The following CNTNAP2 variants were observed in gnomAD, a reference collection of about 807,000 sequenced individuals.
CNTNAP2 encodes contactin-associated protein-like 2.
In CNTNAP2, 98 loss-of-function variants were observed where a neutral mutation model predicts 155.2. The observed-to-expected ratio is 0.63, with a 90% CI of 0.54 to 0.75. The LOEUF (loss-of-function observed/expected upper bound fraction) is 0.75, where lower values mean the gene tolerates loss of function less well. CNTNAP2 is among the 30% of genes least tolerant of loss of function. CNTNAP2 has a pLI of 0.00. For missense variants in CNTNAP2, 1,727 were observed against 1,688.1 expected, an observed-to-expected ratio of 1.02 and a Z score of -0.40; for synonymous variants, 651 against 631.2, an observed-to-expected ratio of 1.03 and a Z score of -0.47.
At chr7:147,800,552 C>A (rs867598295) in intron 13 of CNTNAP2, among the ~76,000 whole-genome samples, 1 of 151,966 alleles carries the variant, frequency 6.6e-6, no homozygotes, top group African/African-American at 2.4e-5. Context: ...GATCTCCCTA[C>A]GTTTGTTGCC....
chr7:147,406,782 G>T (rs1237706097), intron 10 of CNTNAP2, among the ~76,000 whole-genome samples: 1 of 152,190 alleles, frequency 6.6e-6, no homozygotes, highest in East Asian at 1.9e-4. Context: ...TTTGAAAAAT[G>T]AGTCTGTAAT....
chr7:146,586,782 ATC>A (rs1446313216), intron 1 of CNTNAP2, among the ~76,000 whole-genome samples: 2 of 152,156 alleles, frequency 1.3e-5, no homozygotes, highest in Non-Finnish European at 2.9e-5. Flanking sequence ...TCCTCTGACA[ATC>A]AGATGAGCTA....
chr7:146,644,071 T>C (rs1485961661), intron 1 of CNTNAP2, among the ~76,000 whole-genome samples: 1 of 152,174 alleles, frequency 6.6e-6, no homozygotes, highest in Non-Finnish European at 1.5e-5. Flanking sequence ...GCTGAAACAA[T>C]GGGGTTTTCT....
chr7:147,817,542 C>T (rs1056120338), intron 13 of CNTNAP2, among the ~76,000 whole-genome samples: 4 of 152,046 alleles, frequency 2.6e-5, no homozygotes, highest in Non-Finnish European at 5.9e-5. Flanking sequence ...CACAAATCAC[C>T]GCTGAAGAAC....
intron 8 of CNTNAP2, among the ~76,000 whole-genome samples, chr7:147,190,191 T>A (rs576144738): frequency 6.6e-6 from 1 of 152,334 alleles, no homozygotes; most frequent in East Asian, 1.9e-4. Flanking sequence ...ATTCTCTTCA[T>A]GACCATTTCA....
chr7:147,860,707 T>G (rs6973298), intron 13 of CNTNAP2, among the ~76,000 whole-genome samples: 26,851 of 151,940 alleles, frequency 0.18, 2,461 homozygotes, highest in Admixed American at 0.21. Context: ...AATTTCCTGA[T>G]GCCTCCTCAG....
At chr7:146,294,392 G>C (rs115448186) in intron 1 of CNTNAP2, among the ~76,000 whole-genome samples, 4,409 of 152,158 alleles carry the variant, frequency 0.029, 93 homozygotes, top group African/African-American at 0.061. Flanking sequence ...GAAGAGGAGA[G>C]GACACTAACA....
chr7:146,911,822 TAATAA>T (rs919448021), intron 3 of CNTNAP2, among the ~76,000 whole-genome samples: 3 of 151,566 alleles, frequency 2.0e-5, no homozygotes, highest in African/African-American at 7.3e-5. Context: ...AAAAAATAAA[TAATAA>T]AATTTGGTTT....
chr7:146,736,173 GGT>G (rs1322515517), intron 1 of CNTNAP2, among the ~76,000 whole-genome samples: 4 of 152,238 alleles, frequency 2.6e-5, no homozygotes, highest in African/African-American at 7.2e-5. Context: ...GATGTGGATA[GGT>G]TATATGCAAA....
At chr7:148,263,218 T>C (rs2888553) in intron 20 of CNTNAP2, 17,046 of 152,252 alleles carry the variant, frequency 0.11, 1,578 homozygotes, top group African/African-American at 0.25. Flanking sequence ...TCACTTCTCA[T>C]ATTTTCCTAA....
chr7:146,939,939 G>A (rs182023451), intron 3 of CNTNAP2, among the ~76,000 whole-genome samples: 4 of 151,656 alleles, frequency 2.6e-5, no homozygotes, highest in East Asian at 3.9e-4. Flanking sequence ...GAATAGTGTC[G>A]GCTTGCCAAA....
chr7:146,916,704 C>A (rs1796401626), intron 3 of CNTNAP2, among the ~76,000 whole-genome samples: 1 of 151,896 alleles, frequency 6.6e-6, no homozygotes, highest in South Asian at 2.1e-4. Flanking sequence ...TGGATCTTTT[C>A]TCTTCTTTTT....
intron 1 of CNTNAP2, among the ~76,000 whole-genome samples, chr7:146,258,468 A>T (rs1259686574): frequency 6.6e-6 from 1 of 152,220 alleles, no homozygotes; most frequent in African/African-American, 2.4e-5. Flanking sequence ...CCAAATATTT[A>T]TGCATACCAT....
chr7:148,297,165 A>AGGAAGGAAGGAAGG (rs1554413952), intron 21 of CNTNAP2, among the ~76,000 whole-genome samples: 3 of 128,832 alleles, frequency 2.3e-5, no homozygotes, highest in Non-Finnish European at 3.2e-5. Flanking sequence ...GAGATAGAGA[A>AGGAAGGAAGGAAGG]AAGGAAGGAA....
intron 12 of CNTNAP2, among the ~76,000 whole-genome samples, chr7:147,610,138 T>C (rs1801154259): frequency 3.3e-5 from 5 of 152,200 alleles, no homozygotes; most frequent in Admixed American, 3.3e-4. Context: ...AGCTATGCAA[T>C]TGTAATATAA....
At chr7:148,092,556 G>T (rs891020657) in intron 15 of CNTNAP2, among the ~76,000 whole-genome samples, 1 of 152,152 alleles carries the variant, frequency 6.6e-6, no homozygotes, top group Non-Finnish European at 1.5e-5. Context: ...CCCTGCTGGG[G>T]GTTAGAGGCT....
intron 1 of CNTNAP2, among the ~76,000 whole-genome samples, chr7:146,230,637 G>T (rs1397240780): frequency 6.6e-6 from 1 of 152,100 alleles, no homozygotes; most frequent in Admixed American, 6.5e-5. Flanking sequence ...TTTGAATGCT[G>T]GCTCCACTAT....
chr7:148,095,328 G>A (rs117334111), intron 15 of CNTNAP2, among the ~76,000 whole-genome samples: 163 of 152,298 alleles, frequency 1.1e-3, no homozygotes, highest in Middle Eastern at 6.8e-3. Context: ...GGATTCCTTG[G>A]CAGATCGTCC....
At chr7:146,696,535 C>A (rs1800785598) in intron 1 of CNTNAP2, among the ~76,000 whole-genome samples, 1 of 151,978 alleles carries the variant, frequency 6.6e-6, no homozygotes, top group Admixed American at 6.6e-5. Context: ...TCTTTCTGCC[C>A]TAATTTGTAT....
Sources: gnomAD v4.1 joint callset for allele counts (sites outside exome capture counted in the v4.1 genomes callset) on GRCh38, gnomAD v4.1.1 for gene constraint, MANE v1.5 for transcripts, NCBI Gene and HGNC (gene_info 2026-07-23, HGNC 2026-07-21) for gene names.